The following PARVB variants were observed in gnomAD, a reference collection of about 807,000 sequenced individuals.
PARVB encodes beta-parvin.
Under a neutral mutation model 47.0 loss-of-function variants are expected in PARVB, and 46 were observed. The observed-to-expected ratio is 0.98, with a 90% CI of 0.77 to 1.25. PARVB has a LOEUF of 1.25. Ranked by LOEUF, PARVB falls within the 50% of genes most tolerant of loss-of-function variation. The probability of loss-of-function intolerance (pLI) is 0.00; values close to 1 mark genes in which losing one functional copy is unlikely to be tolerated. For missense variants in PARVB, 473 were observed against 471.6 expected (o/e 1.00, Z -0.03); for synonymous variants, 196 against 196.3 (o/e 1.00, Z 0.01).
At chr22:44,038,285 G>A (rs1231272128) in intron 1 of PARVB, among the ~76,000 whole-genome samples, 2 of 152,170 alleles carry the variant, frequency 1.3e-5, no homozygotes, top group African/African-American at 2.4e-5. Context: ...GCAAGCAAGA[G>A]GCAGTCTAGT....
intron 11 of PARVB, 89 bp from the exon 12 acceptor site, chr22:44,163,769 C>A: frequency 8.7e-7 from 1 of 1,154,858 alleles, no homozygotes; most frequent in Non-Finnish European, 1.3e-6. Context: ...GAGGCTCGGT[C>A]CTGTCCATGC....
At chr22:44,028,302 TC>T (rs2050766282) in intron 1 of PARVB, among the ~76,000 whole-genome samples, 1 of 127,636 alleles carries the variant, frequency 7.8e-6, no homozygotes, top group Non-Finnish European at 1.6e-5. Flanking sequence ...CAACCACGGA[TC>T]ATTTTTTTGT....
intron 1 of PARVB, among the ~76,000 whole-genome samples, chr22:44,088,956 T>C (rs934349033): frequency 6.6e-6 from 1 of 152,204 alleles, no homozygotes; most frequent in Non-Finnish European, 1.5e-5. Context: ...AAAATTTGAA[T>C]TAATGGCTCG....
chr22:44,002,892 A>C (rs561676486), intron 2 of PARVB, among the ~76,000 whole-genome samples: 1 of 152,270 alleles, frequency 6.6e-6, no homozygotes, highest in African/African-American at 2.4e-5. Flanking sequence ...TGCCTTCCTG[A>C]CAAGTAAATT....
intron 1 of PARVB, among the ~76,000 whole-genome samples, chr22:44,065,095 G>T (rs2051492998): frequency 6.6e-6 from 1 of 152,016 alleles, no homozygotes; most frequent in Admixed American, 6.6e-5. Context: ...TGCCCCATGT[G>T]CCCCACTGAG....
intron 1 of PARVB, among the ~76,000 whole-genome samples, chr22:44,091,683 G>A (rs752273977): frequency 2.0e-5 from 3 of 152,282 alleles, no homozygotes; most frequent in African/African-American, 2.4e-5. Context: ...ATAATATTCC[G>A]TTGTATACGT....
intron 1 of PARVB, among the ~76,000 whole-genome samples, chr22:44,081,818 G>A (rs1705801302): frequency 2.0e-5 from 3 of 152,186 alleles, no homozygotes; most frequent in Admixed American, 2.0e-4. Context: ...GTTTCTTTTG[G>A]GTTTCACACC....
At chr22:44,046,945 T>C (rs2051123141) in intron 1 of PARVB, among the ~76,000 whole-genome samples, 1 of 151,194 alleles carries the variant, frequency 6.6e-6, no homozygotes, top group Non-Finnish European at 1.5e-5. Context: ...AGTTGAGAAC[T>C]GGCTCCTGGG....
chr22:44,032,511 C>T (rs561096784), intron 1 of PARVB, among the ~76,000 whole-genome samples: 2 of 152,220 alleles, frequency 1.3e-5, no homozygotes, highest in South Asian at 2.1e-4. Context: ...TCTGAGAATG[C>T]CCGTCGCGGT....
intron 11 of PARVB, among the ~76,000 whole-genome samples, chr22:44,161,567 C>T (rs1484297224): frequency 1.3e-5 from 2 of 152,206 alleles, no homozygotes; most frequent in African/African-American, 4.8e-5. Context: ...CCGCCTCAGC[C>T]TCCCAAAGTG....
At chr22:44,153,613 G>A (rs2053857723) in intron 10 of PARVB, 1 of 152,204 alleles carries the variant, frequency 6.6e-6, no homozygotes, top group Non-Finnish European at 1.5e-5. Flanking sequence ...ACAGGTGTGA[G>A]CCACATTTTC....
At chr22:44,123,189 A>G (rs1261244449) in intron 4 of PARVB, among the ~76,000 whole-genome samples, 1 of 152,208 alleles carries the variant, frequency 6.6e-6, no homozygotes, top group East Asian at 1.9e-4. Flanking sequence ...CCATTAAAAA[A>G]TGGCTCCCTT....
intron 4 of PARVB, among the ~76,000 whole-genome samples, chr22:44,127,730 G>A (rs2053219013): frequency 6.8e-6 from 1 of 147,014 alleles, no homozygotes; most frequent in Non-Finnish European, 1.5e-5. Flanking sequence ...CTTCTGGTTT[G>A]GCCATGTGGA....
chr22:44,041,263 G>A (rs556559325), intron 1 of PARVB, among the ~76,000 whole-genome samples: 28 of 151,756 alleles, frequency 1.8e-4, no homozygotes, highest in Non-Finnish European at 3.7e-4. Flanking sequence ...AGGCCGAGGC[G>A]GGTGGATCAC....
At chr22:44,087,689 A>G (rs774875260) in intron 1 of PARVB, among the ~76,000 whole-genome samples, 2 of 151,390 alleles carry the variant, frequency 1.3e-5, no homozygotes, top group Non-Finnish European at 2.9e-5. Flanking sequence ...AATAAATACA[A>G]CCATACAAAG....
chr22:44,091,978 TC>T (rs145678836), intron 1 of PARVB, among the ~76,000 whole-genome samples: 165 of 152,236 alleles, frequency 1.1e-3, no homozygotes, highest in African/African-American at 3.9e-3. Flanking sequence ...CACGGTCACG[TC>T]CTGAGAGTCC....
At chr22:44,165,538 G>A (rs139087) in intron 12 of PARVB, among the ~76,000 whole-genome samples, 56,751 of 152,070 alleles carry the variant, frequency 0.37, 11,134 homozygotes, top group South Asian at 0.51. Flanking sequence ...GTGGCTAGAG[G>A]CCCGAGGGAT....
At chr22:44,133,148 GTC>G in intron 6 of PARVB, 139 bp downstream of exon 6, 1 of 562,526 alleles carries the variant, frequency 1.8e-6, no homozygotes. Flanking sequence ...CAAAATGTGT[GTC>G]TCACCCTGGC....
At chr22:44,119,224 A>G (rs1273185664) in intron 4 of PARVB, 84 bp downstream of exon 4, 1 of 910,268 alleles carries the variant, frequency 1.1e-6, no homozygotes, top group Non-Finnish European at 1.8e-6. Flanking sequence ...CTGCATAGTG[A>G]CATCGGCCAC....
Sources: gnomAD v4.1 joint callset for allele counts (sites outside exome capture counted in the v4.1 genomes callset) on GRCh38, gnomAD v4.1.1 for gene constraint, MANE v1.5 for transcripts, NCBI Gene and HGNC (gene_info 2026-07-23, HGNC 2026-07-21) for gene names.